The following CPT1A variants were observed in gnomAD, a reference collection of about 807,000 sequenced individuals.
CPT1A encodes carnitine O-palmitoyltransferase 1, liver isoform.
A neutral mutation model predicts 100.8 loss-of-function variants in CPT1A; 64 were observed. The observed-to-expected ratio is 0.63, with a 90% CI of 0.52 to 0.78. The LOEUF (loss-of-function observed/expected upper bound fraction) is 0.78. Among genes scored for constraint, CPT1A ranks in the 30% least tolerant of loss-of-function variants. The probability of loss-of-function intolerance (pLI) is 0.00; values close to 1 mark genes in which losing one functional copy is unlikely to be tolerated. For synonymous variants in CPT1A, 363 were observed against 396.0 expected (o/e 0.92, Z 0.99); for missense variants, 802 against 1,034.1 (o/e 0.78, Z 3.08).
chr11:68,825,951 C>G (rs1303913625), intron 1 of CPT1A, among the ~76,000 whole-genome samples: 1 of 152,236 alleles, frequency 6.6e-6, no homozygotes, highest in Admixed American at 6.5e-5. Context: ...CACCCAGCTC[C>G]TGGGCCAGCC....
rs761342493 is a variant in CPT1A, at chr11:68,755,296, G to T, written c.*2348C>A. 1 of 160,622 alleles carries T rather than the reference G, an allele frequency of 6.2e-6. No homozygotes were observed. Among genetic ancestry groups the T allele is most frequent in the Non-Finnish European group, 1.4e-5 (1 of 71,896 alleles). 9.9% of individuals were successfully genotyped at this position (160,622 alleles called of 1,614,324 possible). A position where few individuals can be genotyped will look rare whatever the true frequency, so the allele number is the denominator to read the frequency against. On this transcript the variant is annotated 3_prime_UTR_variant, in exon 19 of 19. Transcript: ENST00000265641. ...GTGCATGATCTAGCTGGCTCTGATA[G>T]GGACTGACGCCGGCTGCTGGCTTTT...
At chr11:68,836,425 T>C (rs1319295189) in intron 1 of CPT1A, among the ~76,000 whole-genome samples, 1 of 152,040 alleles carries the variant, frequency 6.6e-6, no homozygotes, top group Non-Finnish European at 1.5e-5. Flanking sequence ...CGTTGAGCTA[T>C]GATGGCACCA....
At chr11:68,770,558 C>T (rs191367630) in intron 14 of CPT1A, among the ~76,000 whole-genome samples, 1 of 152,330 alleles carries the variant, frequency 6.6e-6, no homozygotes, top group East Asian at 1.9e-4. Context: ...AGCCCTATTA[C>T]TAAGCCCCTT....
rs377534215 is a variant in CPT1A, at chr11:68,799,269, T to C, written c.642A>G (p.Gly214=). 5.0e-5 allele frequency: 81 copies of C among 1,613,940 alleles called. No homozygotes were observed. The highest frequency in any genetic ancestry group is 6.4e-5 in the Non-Finnish European group (76 of 1,179,964). The part of the protein sequence containing the change: ...ALAQDFAVGL[G]PRLQWYLKLK... ...ACTTCAAATACCACTGTAATCTTGG[T>C]CCAAGACCGACAGCAAAATCTTGAG... Residue 214 remains glycine, a synonymous_variant, in exon 6 of 19, where the codon GGA becomes GGG. Transcript: ENST00000265641.
chr11:68,773,831 C>T (rs538745252), intron 13 of CPT1A: 31 of 310,858 alleles, frequency 1.0e-4, no homozygotes, highest in African/African-American at 6.7e-4. Flanking sequence ...GATAAGATCT[C>T]AAGCGTTGGG....
rs59202817 is a variant in CPT1A at position 68,800,842 on chromosome 11, C to T, written c.556-1487G>A. Among the ~76,000 whole-genome samples, 1,065 of 152,112 alleles carry T rather than the reference C, an allele frequency of 7.0e-3. 9 individuals carry two copies. The highest frequency in any genetic ancestry group is 0.025 in the African/African-American group (1,028 of 41,484). ...TAAAAGGGCCAGCTGTAGCTGGGCA[C>T]GGTGGCTTATGCCTGTAACCCCAGC... On this transcript the variant is annotated intron_variant, in intron 5 of 18. Transcript: ENST00000265641.
chr11:68,767,252 A>C (rs1471184688), intron 14 of CPT1A, among the ~76,000 whole-genome samples: 1 of 152,266 alleles, frequency 6.6e-6, no homozygotes, highest in Non-Finnish European at 1.5e-5. Context: ...CATTGTAAGA[A>C]ACACCTGACT....
chr11:68,798,679 C>T (rs546860618), intron 6 of CPT1A, among the ~76,000 whole-genome samples: 2 of 152,116 alleles, frequency 1.3e-5, no homozygotes, highest in South Asian at 2.1e-4. Context: ...CATCCACCAG[C>T]GAGCTCGGGA....
intron 4 of CPT1A, among the ~76,000 whole-genome samples, chr11:68,806,527 C>T (rs1856050841): frequency 6.6e-6 from 1 of 151,626 alleles, no homozygotes; most frequent in Admixed American, 6.6e-5. Flanking sequence ...ACTCAGGATG[C>T]TCAGGTGGGA....
At position 68,775,521 on chromosome 11, in the gene CPT1A, G is replaced by T. The variant is rs1344441974; in HGVS notation, c.1459-89C>A. 77 of 1,055,584 alleles carry T rather than the reference G, an allele frequency of 7.3e-5. No homozygotes were observed. In the Middle Eastern group the frequency reaches 8.6e-4, roughly 12 times the overall value. The allele number at this position is 1,055,584 out of a possible 1,614,324, so 65.4% of individuals were successfully genotyped here. On this transcript the variant is annotated intron_variant, in intron 12 of 18. Coordinates refer to ENST00000265641, the MANE Select transcript of CPT1A (RefSeq NM_001876.4). ...CATGAAGAGAGGGTTGTTCTTTGCAGAGATGTTACAAAGTTTGAATCACAG... is the reference window on the plus strand; with the variant it reads ...CATGAAGAGAGGGTTGTTCTTTGCATAGATGTTACAAAGTTTGAATCACAG...
intron 9 of CPT1A, chr11:68,786,001 G>A (rs1301624100): frequency 2.8e-6 from 2 of 702,274 alleles, no homozygotes; most frequent in Non-Finnish European, 2.6e-6. Context: ...CTGCTCAGTG[G>A]GGATGCACAG....
chr11:68,762,572 G>A (rs1854657649), intron 15 of CPT1A, 55 bp downstream of exon 15: 1 of 1,605,972 alleles, frequency 6.2e-7, no homozygotes, highest in South Asian at 1.1e-5. Flanking sequence ...GCCTCCAGAA[G>A]CCTTTTAGGG....
chr11:68,773,175 G>A, intron 14 of CPT1A, 90 bp downstream of exon 14: 1 of 1,590,486 alleles, frequency 6.3e-7, no homozygotes, highest in Non-Finnish European at 8.5e-7. Context: ...CCGGGTTTCG[G>A]GCCTTCCCTC....
upstream of CPT1A, among the ~76,000 whole-genome samples, chr11:68,843,219 G>A (rs942270721): frequency 5.3e-5 from 8 of 152,110 alleles, no homozygotes; most frequent in Non-Finnish European, 8.8e-5. The surrounding 1 kb of genome is among the most constrained non-coding windows in gnomAD (Gnocchi z 4.0). Context: ...AGGCTGTTTT[G>A]TTTTCACTTG....
rs139057953 is a variant in CPT1A, at chr11:68,760,226, G to A, written c.2141C>T (p.Pro714Leu). The A allele has an allele frequency of 6.2e-7, 1 of 1,605,826 alleles. No homozygotes were observed. Among genetic ancestry groups the A allele is most frequent in the Non-Finnish European group, 8.5e-7 (1 of 1,176,214 alleles). The change falls in exon 17 of 19, where the codon CCG becomes CTG. Residue 714 changes from proline to leucine, a missense_variant and splice_region_variant. Pro to Leu is a moderately conservative substitution (Grantham distance 98). This residue lies in a region of CPT1A where 627 missense variants were observed against 799.3 expected (regional missense o/e 0.78). Coordinates refer to ENST00000265641, the MANE Select transcript of CPT1A (RefSeq NM_001876.4). ...EYVSSGGGFG[P>L]VADDGYGVSY... is the part of the protein sequence containing the mutation. ...CTCGCCCAGCCCCGCCGCACTCACC[G>A]GTCCAAAGCCCCCTCCGCTGGACAC...
chr11:68,760,202 T>C, intron 17 of CPT1A, 23 bp downstream of exon 17: 14 of 1,554,064 alleles, frequency 9.0e-6, no homozygotes, highest in Non-Finnish European at 1.1e-5. Context: ...CCACTGCGCC[T>C]CGCCCAGCCC....
intron 1 of CPT1A, among the ~76,000 whole-genome samples, chr11:68,821,273 C>T (rs1856574411): frequency 6.6e-6 from 1 of 152,260 alleles, no homozygotes; most frequent in Non-Finnish European, 1.5e-5. Context: ...CTGCCTCAGC[C>T]TCCTGAGTAG....
intron 1 of CPT1A, among the ~76,000 whole-genome samples, chr11:68,818,232 G>C (rs2154001664): frequency 6.6e-6 from 1 of 152,270 alleles, no homozygotes; most frequent in African/African-American, 2.4e-5. Context: ...AGCTGCACTT[G>C]CTGGTGAAAT....
intron 12 of CPT1A, 123 bp from the exon 13 acceptor site, chr11:68,775,555 G>T (rs780799267): frequency 2.8e-5 from 21 of 758,884 alleles, no homozygotes; most frequent in Non-Finnish European, 4.6e-5. Context: ...AGCTGTTAAG[G>T]CTTCCAGTAT....
Sources: gnomAD v4.1 joint callset for allele counts (sites outside exome capture counted in the v4.1 genomes callset) on GRCh38, gnomAD v4.1.1 for gene constraint, gnomAD v4.1.1 regional missense constraint, Gnocchi (gnomAD v3.1) non-coding constraint, MANE v1.5 for transcripts, NCBI Gene and HGNC (gene_info 2026-07-23, HGNC 2026-07-21) for gene names.